IPO7: variants seen among roughly 807,000 people sequenced by gnomAD.
IPO7 encodes the protein importin 7, also known as importin-7.
A neutral mutation model predicts 136.4 loss-of-function variants in IPO7; 13 were observed. That is an observed-to-expected ratio of 0.10 (90% confidence interval 0.06 to 0.15). The LOEUF is 0.15. Ranked by LOEUF, IPO7 falls within the 10% of genes least tolerant of loss-of-function variation. IPO7 has a pLI of 1.00. For missense variants in IPO7, 857 were observed against 1,240.6 expected (o/e 0.69, Z 4.65); for synonymous variants, 403 against 404.4 (o/e 1.00, Z 0.04).
At chr11:9,418,109 C>T (rs564143730) in intron 6 of IPO7, among the ~76,000 whole-genome samples, 147 of 145,234 alleles carry the variant, frequency 1.0e-3, no homozygotes, top group African/African-American at 3.4e-3. Context: ...CTCACTCTGT[C>T]GCCCAGGCTG....
At chr11:9,424,850 TG>T (rs1855181817) in intron 10 of IPO7, 63 bp from the exon 11 acceptor site, 1 of 1,034,398 alleles carries the variant, frequency 9.7e-7, no homozygotes, top group East Asian at 2.4e-5. Context: ...AGATTAAGCA[TG>T]TTTTTTAATG....
chr11:9,424,086 G>C (rs531675080), intron 10 of IPO7, among the ~76,000 whole-genome samples: 11 of 152,216 alleles, frequency 7.2e-5, no homozygotes, highest in African/African-American at 2.6e-4. Flanking sequence ...ATACTGTTAA[G>C]TTTTTATTAC....
At position 9,403,640 on chromosome 11, in the gene IPO7, T is replaced by A. The variant is rs1301678280; in HGVS notation, c.166+269T>A. On this transcript the variant is annotated intron_variant, in intron 2 of 24. Transcript: ENST00000379719. ...AGGTTCTATGTATTTTTAGAGTCCT[T>A]CCCTGATGGGTGATTATAAGACTCA... 1.1e-5 allele frequency: 4 copies of A among 363,830 alleles called. No individual in the cohort carries two copies. In the South Asian group the frequency reaches 1.7e-4, roughly 16 times the overall value. The allele number at this position is 363,830 out of a possible 1,614,324, so 22.5% of individuals were successfully genotyped here.
rs1855546104 is a variant in IPO7, at chr11:9,447,592, T to C, written c.*2398T>C. The C allele has an allele frequency of 6.6e-6, 1 of 152,218 alleles. No homozygotes were observed. 9.4% of individuals were successfully genotyped at this position (152,218 alleles called of 1,614,324 possible). On this transcript the variant is annotated 3_prime_UTR_variant, in exon 25 of 25. Coordinates refer to ENST00000379719, the MANE Select transcript of IPO7 (RefSeq NM_006391.3). ...CTCTTGTAATTAGCTACATAGGGAC[T>C]TGTCTTTTTTTCTTTTTACATACAG...
At chr11:9,401,938 G>T (rs974207608) in intron 1 of IPO7, among the ~76,000 whole-genome samples, 2 of 152,172 alleles carry the variant, frequency 1.3e-5, no homozygotes, top group African/African-American at 4.8e-5. Context: ...CAATCCGCCT[G>T]CCTTGGCCTC....
At chr11:9,426,201 A>G (rs1855204909) in intron 12 of IPO7, among the ~76,000 whole-genome samples, 1 of 152,346 alleles carries the variant, frequency 6.6e-6, no homozygotes, top group African/African-American at 2.4e-5. Flanking sequence ...TCCCAACCCT[A>G]GGCTACCTAT....
At chr11:9,440,306 T>A (rs1163985927) in intron 22 of IPO7, 149 bp from the exon 23 acceptor site, 1 of 653,886 alleles carries the variant, frequency 1.5e-6, no homozygotes, top group Admixed American at 2.7e-5. Context: ...TTCTATTCAT[T>A]ATTGAACATG....
At position 9,433,786 on chromosome 11, in the gene IPO7, T is replaced by A. The variant is rs750404143; in HGVS notation, c.2014T>A (p.Trp672Arg). Reference protein sequence around the residue: ...LTCQQVSPQMWQLLPLVFEVF... With the variant: ...LTCQQVSPQMRQLLPLVFEVF... ...ATGTCAACAAGTGTCTCCACAGATG[T>A]GGCAGCTACTACCCCTTGTATTTGA... Residue 672 changes from tryptophan to arginine, a missense_variant, in exon 18 of 25, where the codon TGG becomes AGG. Physicochemically the swap from Trp to Arg is moderately radical, Grantham distance 101 (BLOSUM62 -3). Transcript: ENST00000379719. 1.2e-6 allele frequency: 2 copies of A among 1,611,588 alleles called. No homozygotes were observed. The highest frequency in any genetic ancestry group is 3.3e-5 in the Admixed American group (2 of 60,018).
intron 1 of IPO7, among the ~76,000 whole-genome samples, chr11:9,396,861 T>C (rs1014014479): frequency 6.6e-6 from 1 of 152,204 alleles, no homozygotes; most frequent in Non-Finnish European, 1.5e-5. Flanking sequence ...TACAGTATTA[T>C]GAGTAATGCT....
At chr11:9,411,108 A>G (rs1398951433) in intron 4 of IPO7, among the ~76,000 whole-genome samples, 2 of 152,176 alleles carry the variant, frequency 1.3e-5, no homozygotes, top group Admixed American at 6.5e-5. Context: ...CTAAAATTGG[A>G]GAGAATAAAA....
At position 9,437,739 on chromosome 11, in the gene IPO7, T is replaced by C. The variant is rs1371248578; in HGVS notation, c.2269-15T>C. The C allele has an allele frequency of 6.4e-7, 1 of 1,561,340 alleles. No homozygotes were observed. The highest frequency in any genetic ancestry group is 1.1e-5 in the South Asian group (1 of 89,038). The stretch of plus-strand genomic sequence containing the variant: ...TAATTATAGTCTTAGAATATCTTGC[T>C]ATCTTTTTTTGTAGTGCATTCCCTT... On this transcript the variant is annotated splice_polypyrimidine_tract_variant and intron_variant, in intron 20 of 24. Transcript: ENST00000379719.
At chr11:9,437,097 G>A (rs772148943) in intron 20 of IPO7, among the ~76,000 whole-genome samples, 14 of 150,106 alleles carry the variant, frequency 9.3e-5, no homozygotes, top group Non-Finnish European at 1.9e-4. Flanking sequence ...TTTTGGCCAG[G>A]CTGGTCTCAA....
At chr11:9,413,298 G>A (rs891198407) in intron 4 of IPO7, among the ~76,000 whole-genome samples, 2 of 152,046 alleles carry the variant, frequency 1.3e-5, no homozygotes, top group Non-Finnish European at 2.9e-5. Context: ...GTCACATTTT[G>A]TTGCCCTATG....
intron 4 of IPO7, among the ~76,000 whole-genome samples, chr11:9,411,729 T>A (rs1271827291): frequency 6.6e-6 from 1 of 152,180 alleles, no homozygotes. Flanking sequence ...CACAGCCTTG[T>A]GGTAGTAGAA....
intron 9 of IPO7, 22 bp downstream of exon 9, chr11:9,423,162 GT>G: frequency 6.8e-7 from 1 of 1,478,778 alleles, no homozygotes; most frequent in South Asian, 1.2e-5. Context: ...TATCTGAAAT[GT>G]TTTTATAGTA....
intron 10 of IPO7, 33 bp downstream of exon 10, chr11:9,423,909 A>T (rs1322491748): frequency 1.6e-6 from 2 of 1,274,258 alleles, no homozygotes; most frequent in Non-Finnish European, 2.3e-6. Flanking sequence ...GAAACAAAAA[A>T]TGTCAGTAAT....
At chr11:9,426,939 C>T (rs1302619570) in intron 12 of IPO7, among the ~76,000 whole-genome samples, 3 of 150,314 alleles carry the variant, frequency 2.0e-5, no homozygotes, top group South Asian at 2.1e-4. Flanking sequence ...AGTGCAGTGG[C>T]GCAATCTCGA....
At chr11:9,407,587 A>G (rs1854905596) in intron 2 of IPO7, among the ~76,000 whole-genome samples, 1 of 152,210 alleles carries the variant, frequency 6.6e-6, no homozygotes, top group African/African-American at 2.4e-5. Context: ...ATTTTAATAT[A>G]TAATCTTAAT....
chr11:9,436,722 G>T lies in IPO7; in HGVS notation c.2268+356G>T, dbSNP rs530880624. The stretch of plus-strand genomic sequence containing the variant: ...TTTTGAGTGAGAGTCTTGCTCTGTT[G>T]CCCAGACTGGAGTGCAGTGGCACAT... On this transcript the variant is annotated intron_variant, in intron 20 of 24. Coordinates refer to ENST00000379719, the MANE Select transcript of IPO7 (RefSeq NM_006391.3). Among the ~76,000 whole-genome samples, 401 of 148,020 alleles carry T rather than the reference G, an allele frequency of 2.7e-3. 2 individuals carry two copies. Among genetic ancestry groups the T allele is most frequent in the Non-Finnish European group, 5.4e-3 (361 of 67,104 alleles).
Sources: allele counts gnomAD v4.1 joint callset (sites outside exome capture counted in the v4.1 genomes callset), GRCh38; gene constraint gnomAD v4.1.1; transcripts MANE v1.5; gene names NCBI Gene and HGNC (gene_info 2026-07-23, HGNC 2026-07-21).